ZNF571: variants seen among roughly 807,000 people sequenced by gnomAD.
The protein encoded by ZNF571 is zinc finger protein 571.
A neutral mutation model predicts 7.7 loss-of-function variants in ZNF571; 4 were observed. The ratio of observed to expected loss-of-function variants is 0.52; its 90% confidence interval spans 0.25 to 1.18. ZNF571 has a LOEUF of 1.18. Among genes scored for constraint, ZNF571 ranks in the 50% most tolerant of loss-of-function variants. The pLI is 0.14. For synonymous variants in ZNF571, 251 were observed against 232.4 expected (o/e 1.08, Z -0.73); for missense variants, 704 against 726.9 (o/e 0.97, Z 0.36).
chr19:37,585,691 A>G (rs1329712201), intron 2 of ZNF571: 3 of 152,194 alleles, frequency 2.0e-5, no homozygotes, highest in Non-Finnish European at 4.4e-5. Context: ...CATCTCTTAA[A>G]CTTTCAAGTG....
chr19:37,566,387 G>A (rs2042861226), intron 3 of ZNF571, 96 bp from the exon 4 acceptor site: 2 of 1,364,878 alleles, frequency 1.5e-6, no homozygotes, highest in Non-Finnish European at 2.0e-6. Flanking sequence ...TTCTCATTAA[G>A]AATAGAATGG....
At chr19:37,589,036 C>T (rs183997220) in intron 1 of ZNF571, among the ~76,000 whole-genome samples, 193 of 152,000 alleles carry the variant, frequency 1.3e-3, no homozygotes, top group African/African-American at 4.5e-3. Flanking sequence ...CCCATCTCTA[C>T]TAAAAATACA....
intron 3 of ZNF571, among the ~76,000 whole-genome samples, chr19:37,576,465 T>C (rs1600495763): frequency 1.3e-5 from 2 of 152,304 alleles, no homozygotes; most frequent in South Asian, 4.1e-4. Flanking sequence ...AACCTTACTC[T>C]ACCATACAGC....
chr19:37,581,462 C>T (rs2043458807), intron 3 of ZNF571, among the ~76,000 whole-genome samples: 1 of 149,162 alleles, frequency 6.7e-6, no homozygotes, highest in Non-Finnish European at 1.5e-5. Context: ...TTCTTTCTTT[C>T]TTTCTTTTTT....
chr19:37,579,161 G>A (rs944752591), intron 3 of ZNF571, among the ~76,000 whole-genome samples: 4 of 152,154 alleles, frequency 2.6e-5, no homozygotes, highest in African/African-American at 9.7e-5. Context: ...ATGAGAGTTC[G>A]ACCAGTGACC....
rs367711121 is a variant in ZNF571 at position 37,565,512 on chromosome 19, G to T, written c.916C>A (p.Pro306Thr). 1.9e-6 allele frequency: 3 copies of T among 1,613,622 alleles called. No homozygotes were observed. The highest frequency in any genetic ancestry group is 2.5e-6 in the Non-Finnish European group (3 of 1,179,884). Reference sequence around the variant, plus strand: ...TTTCCACATTCCTTACACTCATAAGGTTTCTCACCACTATGAATTCTCTGA... The same window carrying T: ...TTTCCACATTCCTTACACTCATAAGTTTTCTCACCACTATGAATTCTCTGA... ...YHQRIHSGEK[P>T]YECKECGKAF... is the part of the protein sequence containing the mutation. The change falls in exon 4 of 4, where the codon CCT becomes ACT. Residue 306 changes from proline to threonine, a missense_variant. Coordinates refer to ENST00000451802, the MANE Select transcript of ZNF571 (RefSeq NM_016536.5).
Position 37,566,220 on chromosome 19 carries a change from A to C in ZNF571, c.208T>G (p.Trp70Gly). 6.2e-7 allele frequency: 1 copy of C among 1,613,762 alleles called. No homozygotes were observed. The highest frequency in any genetic ancestry group is 8.5e-7 in the Non-Finnish European group (1 of 1,179,844). The change falls in exon 4 of 4, where the codon TGG becomes GGG. Residue 70 changes from tryptophan (W) to glycine (G), a missense_variant. Trp to Gly is a radical substitution (Grantham distance 184). Coordinates refer to ENST00000451802, the MANE Select transcript of ZNF571 (RefSeq NM_016536.5). ...TTGATACGTTTCCCCATATTCTCCC[A>C]CTGGAGTGATTCCATTTCATAAATT... ...KEIYEMESLQ[W>G]ENMGKRINHH...
chr19:37,590,428 GAAGA>G (rs1377713783), intron 1 of ZNF571, among the ~76,000 whole-genome samples: 22 of 135,868 alleles, frequency 1.6e-4, no homozygotes, highest in South Asian at 2.3e-4. Context: ...AAAAAAAGAA[GAAGA>G]AAAAAAAAGC....
In ZNF571 at chr19:37,566,196, T is replaced by C; in HGVS notation, c.232A>G (p.Asn78Asp). 6.2e-7 allele frequency: 1 copy of C among 1,614,016 alleles called. No individual in the cohort carries two copies. Reference protein sequence around the residue: ...LQWENMGKRINHHLQYNGLGD... With the variant: ...LQWENMGKRIDHHLQYNGLGD... ...AGACCATTGTATTGAAGGTGATGGT[T>C]GATACGTTTCCCCATATTCTCCCAC... The change falls in exon 4 of 4, where the codon AAC (asparagine) becomes GAC (aspartate). Residue 78 changes from asparagine to aspartate, a missense_variant. Physicochemically the swap from Asn to Asp is conservative, Grantham distance 23 (BLOSUM62 1). Transcript: ENST00000451802.
In ZNF571 at chr19:37,565,646, C is replaced by A. The variant is rs1431201758; in HGVS notation, c.782G>T (p.Ser261Ile). 1.2e-6 allele frequency: 2 copies of A among 1,613,200 alleles called. No individual in the cohort carries two copies. Among genetic ancestry groups the A allele is most frequent in the Admixed American group, 3.3e-5 (2 of 59,896 alleles). ...ATGAAGAGTATATTGTGAACAATAA[C>A]TAAAGGCTTTTCCACATTTCTTACA... ...YECKKCGKAF[S>I]YCSQYTLHQR... The change falls in exon 4 of 4, where the codon AGT (serine) becomes ATT (isoleucine). Residue 261 changes from serine to isoleucine, a missense_variant. Ser to Ile is a moderately radical substitution (Grantham distance 142, BLOSUM62 -2). Transcript: ENST00000451802.
chr19:37,586,984 A>G, intron 1 of ZNF571: 1 of 352,422 alleles, frequency 2.8e-6, no homozygotes, highest in Non-Finnish European at 5.1e-6. Flanking sequence ...CCACAGTAGA[A>G]CAGAGGCATG....
At chr19:37,582,875 T>C (rs1283967916) in intron 3 of ZNF571, among the ~76,000 whole-genome samples, 9 of 152,198 alleles carry the variant, frequency 5.9e-5, no homozygotes, top group African/African-American at 1.9e-4. Flanking sequence ...ATTTTTATCC[T>C]CACTGTTCAC....
At chr19:37,577,958 G>C (rs1186247460) in intron 3 of ZNF571, among the ~76,000 whole-genome samples, 1 of 152,196 alleles carries the variant, frequency 6.6e-6, no homozygotes, top group Non-Finnish European at 1.5e-5. Context: ...AGCAGTGGGC[G>C]AGTGAGCATC....
intron 2 of ZNF571, chr19:37,585,143 C>T (rs2043625182): frequency 6.6e-6 from 1 of 152,162 alleles, no homozygotes; most frequent in Non-Finnish European, 1.5e-5. Context: ...TGAACTGGTA[C>T]ATTCCGGGAA....
Position 37,565,696 on chromosome 19 carries a change from A to C in ZNF571, c.732T>G (p.Val244=). ...RGSQLTEHQR[V]HTGEKPYECK... ...ATTCATATGGTTTCTCTCCTGTATG[A>C]ACTCTCTGATGTTCAGTGAGCTGTG... is the stretch of plus-strand genomic sequence containing the variant. The change falls in exon 4 of 4, where the codon GTT becomes GTG. Residue 244 remains valine, a synonymous_variant. Transcript: ENST00000451802. 1.9e-6 allele frequency: 3 copies of C among 1,613,908 alleles called. No homozygotes were observed. Among genetic ancestry groups the C allele is most frequent in the Non-Finnish European group, 2.5e-6 (3 of 1,179,922 alleles).
At chr19:37,576,372 A>C (rs1293721777) in intron 3 of ZNF571, among the ~76,000 whole-genome samples, 1 of 152,214 alleles carries the variant, frequency 6.6e-6, no homozygotes, top group South Asian at 2.1e-4. Flanking sequence ...ACTTGCAACT[A>C]TCTGCATTCT....
chr19:37,566,285 T>C lies in ZNF571; in HGVS notation c.143A>G (p.Glu48Gly). ...NYSNLISLDL[E>G]SSCVTKKLSP... The stretch of plus-strand genomic sequence containing the variant: ...TAACTTTTTGGTCACACAACTGGAT[T>C]CCAAGTCTGTAGAATAAAAAGAAAG... The change falls in exon 4 of 4, where the codon GAA (glutamate) becomes GGA (glycine). Residue 48 changes from glutamate (E) to glycine (G), a missense_variant. Coordinates refer to ENST00000451802, the MANE Select transcript of ZNF571 (RefSeq NM_016536.5). 6.2e-7 allele frequency: 1 copy of C among 1,603,046 alleles called. No individual in the cohort carries two copies. Among genetic ancestry groups the C allele is most frequent in the Non-Finnish European group, 8.5e-7 (1 of 1,174,970 alleles).
intron 3 of ZNF571, among the ~76,000 whole-genome samples, chr19:37,568,424 G>C (rs181627471): frequency 2.2e-3 from 332 of 151,294 alleles, no homozygotes; most frequent in Non-Finnish European, 3.9e-3. Flanking sequence ...TTTCATAGAA[G>C]AACAATATGG....
Position 37,586,424 on chromosome 19 carries a change from C to A in ZNF571, c.9+244G>T, listed in dbSNP as rs2043675171. On this transcript the variant is annotated intron_variant, in intron 2 of 3. Coordinates refer to ENST00000451802, the MANE Select transcript of ZNF571 (RefSeq NM_016536.5). ...ATTTCTGTTCCCTCAGAGCTCTGGG[C>A]AGAAGACTATGCCTGTGGACAATGT... 5.4e-6 allele frequency: 3 copies of A among 551,906 alleles called. No individual in the cohort carries two copies. In the South Asian group the frequency reaches 7.2e-5, roughly 13 times the overall value. 34.2% of individuals were successfully genotyped at this position (551,906 alleles called of 1,614,324 possible).
Sources: allele counts gnomAD v4.1 joint callset (sites outside exome capture counted in the v4.1 genomes callset), GRCh38; gene constraint gnomAD v4.1.1; transcripts MANE v1.5; gene names NCBI Gene and HGNC (gene_info 2026-07-23, HGNC 2026-07-21).